The following KCNK13 variants were observed in gnomAD, a reference collection of about 807,000 sequenced individuals.
KCNK13 encodes potassium two pore domain channel subfamily K member 13.
A neutral mutation model predicts 23.4 loss-of-function variants in KCNK13; 12 were observed. That is an observed-to-expected ratio of 0.51 (90% CI 0.33 to 0.83). The LOEUF is 0.83. Among genes scored for constraint, KCNK13 ranks in the 40% least tolerant of loss-of-function variants. The pLI, the probability that KCNK13 is intolerant of heterozygous loss-of-function variation, is 0.02. For missense variants in KCNK13, 463 were observed against 556.3 expected, an observed-to-expected ratio of 0.83 and a Z score of 1.69; for synonymous variants, 231 against 229.5, an observed-to-expected ratio of 1.01 and a Z score of -0.06.
chr14:90,172,868 A>G (rs1890381006), intron 1 of KCNK13, among the ~76,000 whole-genome samples: 1 of 152,242 alleles, frequency 6.6e-6, no homozygotes, highest in Admixed American at 6.5e-5. Context: ...ATAATTTTCA[A>G]TCAGAGAAAT....
chr14:90,103,394 C>T (rs545704767), intron 1 of KCNK13, among the ~76,000 whole-genome samples: 187 of 152,302 alleles, frequency 1.2e-3, no homozygotes, highest in Non-Finnish European at 2.0e-3. Flanking sequence ...ACATTCCCAC[C>T]AATAGTGTAC....
intron 1 of KCNK13, among the ~76,000 whole-genome samples, chr14:90,104,517 G>C (rs1371226096): frequency 6.6e-6 from 1 of 152,084 alleles, no homozygotes; most frequent in Non-Finnish European, 1.5e-5. Flanking sequence ...CTATCTTTGG[G>C]GACTCTTGGG....
chr14:90,062,616 A>C lies in KCNK13; in HGVS notation c.334+77A>C. On this transcript the variant is annotated intron_variant, in intron 1 of 1. Transcript: ENST00000282146. This position sits in a 1 kb window ranked among gnomAD's most constrained non-coding sequence, Gnocchi z 4.5. ...TCCGGGGGGCAGGACCGACCCTCTCATCCTTTCATTCATCCATCTGGGCGC... is the reference window on the plus strand; with the variant it reads ...TCCGGGGGGCAGGACCGACCCTCTCCTCCTTTCATTCATCCATCTGGGCGC... The C allele has an allele frequency of 1.5e-5, 17 of 1,144,760 alleles. No individual in the cohort carries two copies. Among genetic ancestry groups the C allele is most frequent in the Non-Finnish European group, 1.8e-5 (15 of 841,208 alleles). The allele number at this position is 1,144,760 out of a possible 1,614,324, so 70.9% of individuals were successfully genotyped here.
intron 1 of KCNK13, among the ~76,000 whole-genome samples, chr14:90,159,836 T>C (rs1890232812): frequency 6.6e-6 from 1 of 152,204 alleles, no homozygotes; most frequent in Non-Finnish European, 1.5e-5. Flanking sequence ...AAATTCCCCC[T>C]GTATCCCTTT....
chr14:90,115,649 G>A (rs1472086455), intron 1 of KCNK13, among the ~76,000 whole-genome samples: 2 of 152,120 alleles, frequency 1.3e-5, no homozygotes, highest in African/African-American at 4.8e-5. Context: ...GCAGCCATGA[G>A]TTTACATAAA....
rs762311268 is a variant in KCNK13 at position 90,062,372 on chromosome 14, G to T, written c.167G>T (p.Arg56Leu). The change falls in exon 1 of 2, where the codon CGC becomes CTC. Residue 56 changes from arginine to leucine, a missense_variant. Physicochemically the swap from Arg to Leu is moderately radical, Grantham distance 102 (BLOSUM62 -2). Around this residue, in one of 3 missense-constraint regions of KCNK13, gnomAD observed 153 missense variants for 153.6 expected, o/e 1.00. Coordinates refer to ENST00000282146, the MANE Select transcript of KCNK13 (RefSeq NM_022054.4). The surrounding 1 kb of genome is among the most constrained non-coding windows in gnomAD (Gnocchi z 4.5). The part of the protein sequence containing the change: ...ERQAKQRWEE[R>L]LANFSRGHNL... ...CAGGCCAAGCAGCGCTGGGAGGAGC[G>T]CCTGGCCAACTTCAGCCGCGGCCAC... 9.7e-6 allele frequency: 15 copies of T among 1,553,962 alleles called. No homozygotes were observed. Among genetic ancestry groups the T allele is most frequent in the Middle Eastern group, 2.0e-4 (1 of 4,892 alleles).
At chr14:90,117,761 C>T (rs1201728165) in intron 1 of KCNK13, among the ~76,000 whole-genome samples, 1 of 152,118 alleles carries the variant, frequency 6.6e-6, no homozygotes, top group Non-Finnish European at 1.5e-5. Flanking sequence ...CACCCATTAC[C>T]TCTATCTAGT....
intron 1 of KCNK13, among the ~76,000 whole-genome samples, chr14:90,134,858 C>A (rs543621132): frequency 2.0e-5 from 3 of 152,248 alleles, no homozygotes; most frequent in African/African-American, 7.2e-5. Flanking sequence ...TATAATCAAA[C>A]GTTGTTAGAA....
intron 1 of KCNK13, among the ~76,000 whole-genome samples, chr14:90,127,639 C>G (rs1349500536): frequency 9.4e-6 from 1 of 106,232 alleles, no homozygotes; most frequent in Non-Finnish European, 1.9e-5. Context: ...ATCTCAAGAC[C>G]CCCAACTCTA....
At chr14:90,148,992 A>G (rs1890104755) in intron 1 of KCNK13, among the ~76,000 whole-genome samples, 1 of 152,226 alleles carries the variant, frequency 6.6e-6, no homozygotes, top group South Asian at 2.1e-4. Flanking sequence ...AAAGGTTTAT[A>G]TATTGCATGG....
chr14:90,155,337 G>A (rs975949742), intron 1 of KCNK13, among the ~76,000 whole-genome samples: 1 of 152,196 alleles, frequency 6.6e-6, no homozygotes, highest in African/African-American at 2.4e-5. Flanking sequence ...AGGGGCTGGA[G>A]AAGAATTTAG....
intron 1 of KCNK13, among the ~76,000 whole-genome samples, chr14:90,068,644 C>T (rs957845951): frequency 2.6e-5 from 4 of 152,112 alleles, no homozygotes; most frequent in African/African-American, 9.7e-5. Flanking sequence ...TCAGGTCAAC[C>T]CCAGACCAAC....
Position 90,077,213 on chromosome 14 carries a change from G to A in KCNK13, c.334+14674G>A, listed in dbSNP as rs1293135463. Among the ~76,000 whole-genome samples, 12 of 146,070 alleles carry A rather than the reference G, an allele frequency of 8.2e-5. 1 individual carries two copies. The highest frequency in any genetic ancestry group is 4.2e-4 in the Admixed American group (6 of 14,412). ...CAGCTCACTGCAGCCTCCGCCTCCC[G>A]GGTTCAAGCAATTCCCCTGCCTCAG... On this transcript the variant is annotated intron_variant, in intron 1 of 1. Coordinates refer to ENST00000282146, the MANE Select transcript of KCNK13 (RefSeq NM_022054.4).
intron 1 of KCNK13, among the ~76,000 whole-genome samples, chr14:90,071,517 G>C (rs964987472): frequency 6.6e-6 from 1 of 152,014 alleles, no homozygotes; most frequent in African/African-American, 2.4e-5. Context: ...TGTGCTCCCT[G>C]TTATCAGGAT....
chr14:90,073,701 C>T (rs747861926), intron 1 of KCNK13, among the ~76,000 whole-genome samples: 6 of 152,172 alleles, frequency 3.9e-5, no homozygotes, highest in Non-Finnish European at 7.4e-5. Flanking sequence ...GACAGAGTCT[C>T]ACTCTGTCAC....
rs896041625 is a variant in KCNK13, at chr14:90,106,575, C to CA, written c.334+44047dup. Among the ~76,000 whole-genome samples, 707 of 136,326 alleles carry CA rather than the reference C, an allele frequency of 5.2e-3. 4 individuals carry two copies. The highest frequency in any genetic ancestry group is 0.017 in the African/African-American group (641 of 36,950). The allele number at this position is 136,326 out of a possible 152,430, so 89.4% of individuals were successfully genotyped here. On this transcript the variant is annotated intron_variant, in intron 1 of 1. Transcript: ENST00000282146. The stretch of plus-strand genomic sequence containing the variant: ...GGGTGACAGAGTGAGACTATGTCTT[C>CA]AAAAAAAAAAATTTATGATACTATC...
At chr14:90,176,787 C>T (rs922597527) in intron 1 of KCNK13, among the ~76,000 whole-genome samples, 41 of 151,776 alleles carry the variant, frequency 2.7e-4, no homozygotes, top group Admixed American at 3.3e-4. Context: ...TTTGGGAGGC[C>T]GAGGCAGGTG....
chr14:90,160,961 G>T (rs1291506464), intron 1 of KCNK13, among the ~76,000 whole-genome samples: 2 of 151,802 alleles, frequency 1.3e-5, no homozygotes, highest in South Asian at 2.1e-4. Context: ...GTACCCAAAA[G>T]AATTAAAAGC....
intron 1 of KCNK13, among the ~76,000 whole-genome samples, chr14:90,175,342 A>G (rs867795312): frequency 7.2e-5 from 11 of 151,890 alleles, no homozygotes; most frequent in Admixed American, 1.3e-4. Flanking sequence ...AGACATGTAC[A>G]AAAAAGTTTG....
Sources: allele counts gnomAD v4.1 joint callset (sites outside exome capture counted in the v4.1 genomes callset), GRCh38; gene constraint gnomAD v4.1.1; regional missense constraint gnomAD v4.1.1; non-coding constraint Gnocchi (gnomAD v3.1); transcripts MANE v1.5; gene names NCBI Gene and HGNC (gene_info 2026-07-23, HGNC 2026-07-21).